SDCCAG8: variants seen among roughly 807,000 people sequenced by gnomAD.
SDCCAG8 encodes SHH signaling and ciliogenesis regulator SDCCAG8.
SDCCAG8 carries 74 observed loss-of-function variants against 101.8 expected under a neutral mutation model. The ratio of observed to expected loss-of-function variants is 0.73; its 90% confidence interval spans 0.60 to 0.88. SDCCAG8 has a LOEUF of 0.88. Ranked by LOEUF, SDCCAG8 falls within the 40% of genes least tolerant of loss-of-function variation. SDCCAG8 has a pLI of 0.00. For missense variants in SDCCAG8, 787 were observed against 822.6 expected (o/e 0.96, Z 0.53); for synonymous variants, 281 against 292.9 (o/e 0.96, Z 0.41).
At chr1:243,372,839 TA>T (rs1214044087) in intron 12 of SDCCAG8, among the ~76,000 whole-genome samples, 4 of 146,142 alleles carry the variant, frequency 2.7e-5, no homozygotes, top group East Asian at 4.0e-4. Context: ...TACTAACAAT[TA>T]AAAAAAAATT....
Position 243,346,174 on chromosome 1 carries a change from T to C in SDCCAG8, c.1473+1843T>C, listed in dbSNP as rs1217024949. On this transcript the variant is annotated intron_variant, in intron 12 of 17. Transcript: ENST00000366541. ...GTCTCATTCCATGGATGATTTGGAG[T>C]AGCAAAGCAGCAATTGTTCTTTGGT... The C allele has an allele frequency of 2.6e-5, 4 of 154,346 alleles. No individual in the cohort carries two copies. The East Asian group carries it at 7.7e-4, about 30-fold the overall frequency. The allele number at this position is 154,346 out of a possible 1,614,324, so 9.6% of individuals were successfully genotyped here.
Position 243,272,011 on chromosome 1 carries a change from T to G in SDCCAG8, c.306+948T>G, listed in dbSNP as rs759911678. Among the ~76,000 whole-genome samples, 3 of 152,176 alleles carry G rather than the reference T, an allele frequency of 2.0e-5. No individual in the cohort carries two copies. In the East Asian group the frequency reaches 5.8e-4, roughly 29 times the overall value. Reference sequence around the variant, plus strand: ...GCATTTTATATGCTAAAGGCTGAGATAGATGTGAGTGAAAGCACTCTGGAC... The same window carrying G: ...GCATTTTATATGCTAAAGGCTGAGAGAGATGTGAGTGAAAGCACTCTGGAC... On this transcript the variant is annotated intron_variant, in intron 3 of 17. Coordinates refer to ENST00000366541, the MANE Select transcript of SDCCAG8 (RefSeq NM_006642.5).
chr1:243,464,690 C>T (rs1029143795), intron 16 of SDCCAG8, among the ~76,000 whole-genome samples: 3 of 152,142 alleles, frequency 2.0e-5, no homozygotes, highest in Admixed American at 6.5e-5. Context: ...TGCACAACAC[C>T]GTGTGAGGTG....
At chr1:243,494,005 C>T (rs558538888) in intron 17 of SDCCAG8, among the ~76,000 whole-genome samples, 4 of 152,228 alleles carry the variant, frequency 2.6e-5, no homozygotes, top group East Asian at 3.9e-4. Context: ...GGAGGTGTCA[C>T]CTAATTTACT....
chr1:243,401,471 G>A (rs1424848048), intron 13 of SDCCAG8, among the ~76,000 whole-genome samples: 2 of 152,128 alleles, frequency 1.3e-5, no homozygotes, highest in African/African-American at 4.8e-5. Flanking sequence ...AATGATATAA[G>A]GATGATTACT....
chr1:243,328,060 A>G (rs1053307705), intron 9 of SDCCAG8, among the ~76,000 whole-genome samples: 2 of 150,820 alleles, frequency 1.3e-5, no homozygotes, highest in Admixed American at 6.6e-5. Flanking sequence ...CCGCCGCCAC[A>G]CCCGGCTAAT....
intron 5 of SDCCAG8, among the ~76,000 whole-genome samples, chr1:243,288,620 T>A (rs1259948357): frequency 6.6e-6 from 1 of 152,082 alleles, no homozygotes; most frequent in Non-Finnish European, 1.5e-5. Context: ...TTGTAATGAG[T>A]CAATTAAAAT....
At chr1:243,273,055 T>C (rs2068225520) in intron 3 of SDCCAG8, among the ~76,000 whole-genome samples, 1 of 152,254 alleles carries the variant, frequency 6.6e-6, no homozygotes, top group Non-Finnish European at 1.5e-5. Context: ...TAGTAATTTA[T>C]ATTTGCCTAT....
At chr1:243,320,903 T>C (rs2149337050) in intron 9 of SDCCAG8, among the ~76,000 whole-genome samples, 1 of 152,344 alleles carries the variant, frequency 6.6e-6, no homozygotes, top group South Asian at 2.1e-4. Context: ...TAGCCTTACT[T>C]ATCTTAGCCT....
intron 13 of SDCCAG8, among the ~76,000 whole-genome samples, chr1:243,394,663 G>A (rs1223996021): frequency 6.6e-6 from 1 of 152,150 alleles, no homozygotes; most frequent in Non-Finnish European, 1.5e-5. Context: ...ATAAATTAAG[G>A]TCAGTTCTTT....
At chr1:243,486,365 G>A (rs1309444511) in intron 16 of SDCCAG8, among the ~76,000 whole-genome samples, 1 of 152,116 alleles carries the variant, frequency 6.6e-6, no homozygotes, top group African/African-American at 2.4e-5. Context: ...TCACAGCAGG[G>A]GTGCTTCTGT....
intron 4 of SDCCAG8, among the ~76,000 whole-genome samples, chr1:243,279,892 G>T (rs2068884616): frequency 6.6e-6 from 1 of 151,930 alleles, no homozygotes; most frequent in Non-Finnish European, 1.5e-5. Context: ...ACTTGGTTCG[G>T]GTATTAGGTT....
At chr1:243,382,361 C>A (rs1253430737) in intron 13 of SDCCAG8, among the ~76,000 whole-genome samples, 1 of 151,840 alleles carries the variant, frequency 6.6e-6, no homozygotes, top group African/African-American at 2.4e-5. Flanking sequence ...CAAGTCTGAC[C>A]CATCATCTGT....
At chr1:243,340,124 AT>A (rs1462631713) in intron 10 of SDCCAG8, among the ~76,000 whole-genome samples, 1 of 152,214 alleles carries the variant, frequency 6.6e-6, no homozygotes, top group Non-Finnish European at 1.5e-5. Flanking sequence ...TATTCTAAGT[AT>A]TTACTCATTC....
At chr1:243,446,114 G>A (rs1192790760) in intron 16 of SDCCAG8, among the ~76,000 whole-genome samples, 1 of 152,162 alleles carries the variant, frequency 6.6e-6, no homozygotes, top group Non-Finnish European at 1.5e-5. Context: ...AAAAGGAAAG[G>A]GTTAGTTGTT....
intron 9 of SDCCAG8, among the ~76,000 whole-genome samples, chr1:243,317,631 C>G (rs1353686944): frequency 6.6e-6 from 1 of 152,134 alleles, no homozygotes; most frequent in Non-Finnish European, 1.5e-5. Context: ...TTAGTAGCAT[C>G]TTTGAGTCTG....
intron 13 of SDCCAG8, among the ~76,000 whole-genome samples, chr1:243,405,608 G>A (rs1215756955): frequency 6.6e-6 from 1 of 152,056 alleles, no homozygotes; most frequent in Admixed American, 6.6e-5. Context: ...ATTAAGGAGA[G>A]CTTATTGTAT....
intron 6 of SDCCAG8, among the ~76,000 whole-genome samples, chr1:243,295,418 A>G (rs1032066254): frequency 6.6e-6 from 1 of 151,976 alleles, no homozygotes; most frequent in African/African-American, 2.4e-5. Flanking sequence ...TTGTATTTTT[A>G]GTAGAGACGG....
intron 6 of SDCCAG8, among the ~76,000 whole-genome samples, chr1:243,302,086 A>G (rs926017109): frequency 6.6e-6 from 1 of 152,124 alleles, no homozygotes; most frequent in Admixed American, 6.5e-5. Flanking sequence ...TGTCCCTACT[A>G]AAAATACAAA....
Sources: allele counts gnomAD v4.1 joint callset (sites outside exome capture counted in the v4.1 genomes callset), GRCh38; gene constraint gnomAD v4.1.1; transcripts MANE v1.5; gene names NCBI Gene and HGNC (gene_info 2026-07-23, HGNC 2026-07-21).